WWP1: variants seen among roughly 807,000 people sequenced by gnomAD.
WWP1 encodes WW domain containing E3 ubiquitin protein ligase 1, also known as NEDD4-like E3 ubiquitin-protein ligase WWP1.
Under a neutral mutation model 130.6 loss-of-function variants are expected in WWP1, and 49 were observed. The ratio of observed to expected loss-of-function variants is 0.38; its 90% CI spans 0.30 to 0.48. The LOEUF is 0.48. Among genes scored for constraint, WWP1 ranks in the 20% least tolerant of loss-of-function variants. The probability of loss-of-function intolerance (pLI) is 0.99; values close to 1 mark genes in which losing one functional copy is unlikely to be tolerated. For missense variants in WWP1, 809 were observed against 1,100.6 expected (o/e 0.74, Z 3.75); for synonymous variants, 332 against 367.8 (o/e 0.90, Z 1.11).
chr8:86,435,324 A>G, intron 14 of WWP1, 128 bp from the exon 15 acceptor site: 1 of 926,330 alleles, frequency 1.1e-6, no homozygotes, highest in Non-Finnish European at 1.7e-6. Flanking sequence ...ATGTATGTAT[A>G]CCCTTCTCTC....
intron 16 of WWP1, among the ~76,000 whole-genome samples, chr8:86,437,119 T>G (rs1219691808): frequency 2.0e-5 from 3 of 152,218 alleles, no homozygotes; most frequent in African/African-American, 7.2e-5. Flanking sequence ...TGTATAGCAC[T>G]GAGCCCACGA....
rs900118621 is a variant in WWP1, at chr8:86,351,373, C to T, written c.-115+8443C>T. Among the ~76,000 whole-genome samples the T allele has an allele frequency of 2.0e-5, 3 of 152,160 alleles. 1 individual carries two copies. The highest frequency in any genetic ancestry group is 2.0e-4 in the Admixed American group (3 of 15,280). On this transcript the variant is annotated intron_variant, in intron 1 of 24. Coordinates refer to ENST00000517970, the MANE Select transcript of WWP1 (RefSeq NM_007013.4). ...TTTTGAGACAGGGTCTCCGACAGCT[C>T]TGTCTCCCAGGCTAGAGAGCAATAG... is the stretch of plus-strand genomic sequence containing the variant.
chr8:86,358,801 G>T (rs1432623783), intron 1 of WWP1, among the ~76,000 whole-genome samples: 1 of 152,058 alleles, frequency 6.6e-6, no homozygotes, highest in African/African-American at 2.4e-5. Context: ...GAGCCACCAT[G>T]ACTGGCCCAT....
intron 23 of WWP1, 77 bp from the exon 24 acceptor site, chr8:86,461,697 G>A (rs1037208641): frequency 2.7e-6 from 3 of 1,115,110 alleles, no homozygotes; most frequent in African/African-American, 3.1e-5. Flanking sequence ...TGTGCAACAT[G>A]TTCTATTATT....
At chr8:86,392,947 A>G (rs560615673) in intron 5 of WWP1, among the ~76,000 whole-genome samples, 2 of 152,218 alleles carry the variant, frequency 1.3e-5, no homozygotes, top group Non-Finnish European at 2.9e-5. Flanking sequence ...ATTTATATAC[A>G]CAAACGTAGC....
intron 8 of WWP1, among the ~76,000 whole-genome samples, chr8:86,402,650 G>A (rs954958093): frequency 1.3e-5 from 2 of 152,142 alleles, no homozygotes; most frequent in African/African-American, 2.4e-5. Flanking sequence ...TACAATGCCT[G>A]AAATTTTTCC....
At chr8:86,389,410 C>T (rs1050628368) in intron 5 of WWP1, among the ~76,000 whole-genome samples, 3 of 152,048 alleles carry the variant, frequency 2.0e-5, no homozygotes, top group African/African-American at 7.2e-5. Context: ...CATCTTGCAC[C>T]CCCCTTAATC....
At position 86,411,456 on chromosome 8, in the gene WWP1, T is replaced by C. The variant is rs867483841; in HGVS notation, c.725-82T>C. ...TAGTTGCTTAGTCTGGATTAGGCTC[T>C]GAATAAGTGTAGTCAATTGATTAGG... On this transcript the variant is annotated intron_variant, in intron 8 of 24. Transcript: ENST00000517970. 12 of 1,250,026 alleles carry C rather than the reference T, an allele frequency of 9.6e-6. 1 individual carries two copies. The highest frequency in any genetic ancestry group is 2.1e-4 in the Middle Eastern group (1 of 4,808). 77.4% of individuals were successfully genotyped at this position (1,250,026 alleles called of 1,614,324 possible).
At chr8:86,391,511 GA>G (rs55945339) in intron 5 of WWP1, among the ~76,000 whole-genome samples, 117 of 149,890 alleles carry the variant, frequency 7.8e-4, no homozygotes, top group Non-Finnish European at 1.3e-3. Context: ...AACTACATAG[GA>G]AAAAAAAAAT....
At chr8:86,465,560 G>A (rs929122958) in intron 24 of WWP1, among the ~76,000 whole-genome samples, 2 of 152,146 alleles carry the variant, frequency 1.3e-5, no homozygotes, top group Non-Finnish European at 2.9e-5. Flanking sequence ...TTCAGCCTGG[G>A]AGGTCGAGGT....
intron 3 of WWP1, among the ~76,000 whole-genome samples, chr8:86,375,167 A>G (rs1175379648): frequency 6.6e-6 from 1 of 152,196 alleles, no homozygotes; most frequent in Non-Finnish European, 1.5e-5. Context: ...AGGTCTACTC[A>G]TTGCAGTTTA....
intron 21 of WWP1, among the ~76,000 whole-genome samples, chr8:86,457,686 C>G (rs1811534681): frequency 6.6e-6 from 1 of 152,094 alleles, no homozygotes; most frequent in South Asian, 2.1e-4. Context: ...GAAGAATACT[C>G]TAAATGCGGT....
intron 21 of WWP1, among the ~76,000 whole-genome samples, chr8:86,456,533 T>C (rs1162312188): frequency 1.3e-5 from 2 of 151,956 alleles, no homozygotes; most frequent in Admixed American, 6.6e-5. Context: ...CACTTTGAGA[T>C]AGTGTTGGTA....
chr8:86,371,119 A>G (rs116521666), intron 2 of WWP1, among the ~76,000 whole-genome samples: 2,244 of 145,320 alleles, frequency 0.015, 35 homozygotes, highest in African/African-American at 0.045. Flanking sequence ...CAAGTGATCC[A>G]CCTTGGGATC....
chr8:86,388,765 A>G (rs967366096), intron 5 of WWP1, among the ~76,000 whole-genome samples: 2 of 152,198 alleles, frequency 1.3e-5, no homozygotes, highest in Non-Finnish European at 2.9e-5. Flanking sequence ...TATATTAGCC[A>G]ATAATTCTTA....
intron 20 of WWP1, among the ~76,000 whole-genome samples, chr8:86,448,997 A>G (rs1811034204): frequency 6.6e-6 from 1 of 151,914 alleles, no homozygotes; most frequent in South Asian, 2.1e-4. Context: ...TTCCCAGCTA[A>G]TTTAAAACAA....
chr8:86,442,969 A>T (rs1238345821), intron 18 of WWP1, among the ~76,000 whole-genome samples, 191 bp downstream of exon 18: 4 of 152,062 alleles, frequency 2.6e-5, no homozygotes, highest in Admixed American at 2.6e-4. Context: ...GAATATGAAG[A>T]TTATGTTTAT....
chr8:86,389,692 G>C (rs532094386), intron 5 of WWP1, among the ~76,000 whole-genome samples: 1 of 152,040 alleles, frequency 6.6e-6, no homozygotes, highest in Non-Finnish European at 1.5e-5. Context: ...ACGGGGTGGC[G>C]GCCAGGCAGA....
intron 1 of WWP1, among the ~76,000 whole-genome samples, chr8:86,368,549 T>C (rs559165464): frequency 6.6e-6 from 1 of 152,278 alleles, no homozygotes; most frequent in South Asian, 2.1e-4. Context: ...TCCAAAGTTA[T>C]TTTTCCAAAA....
Sources: gnomAD v4.1 joint callset for allele counts (sites outside exome capture counted in the v4.1 genomes callset) on GRCh38, gnomAD v4.1.1 for gene constraint, MANE v1.5 for transcripts, NCBI Gene and HGNC (gene_info 2026-07-23, HGNC 2026-07-21) for gene names.